BCKDHB: variants seen among roughly 807,000 people sequenced by gnomAD.
The protein encoded by BCKDHB is 2-oxoisovalerate dehydrogenase subunit beta, mitochondrial.
Under a neutral mutation model 48.5 loss-of-function variants are expected in BCKDHB, and 41 were observed. That is an observed-to-expected ratio of 0.85 (90% CI 0.66 to 1.10). The LOEUF (loss-of-function observed/expected upper bound fraction) is 1.10. BCKDHB is among the 50% of genes least tolerant of loss of function. BCKDHB has a pLI of 0.00. For missense variants in BCKDHB, 496 were observed against 494.2 expected, an observed-to-expected ratio of 1.00 and a Z score of -0.03; for synonymous variants, 201 against 174.8, an observed-to-expected ratio of 1.15 and a Z score of -1.18.
intron 3 of BCKDHB, among the ~76,000 whole-genome samples, chr6:80,144,899 A>T (rs1252447894): frequency 6.6e-6 from 1 of 152,162 alleles, no homozygotes; most frequent in Non-Finnish European, 1.5e-5. Flanking sequence ...ATTGTCTTGT[A>T]GCAGTATAGT....
At chr6:80,112,721 C>T (rs923620308) in intron 1 of BCKDHB, among the ~76,000 whole-genome samples, 2 of 152,224 alleles carry the variant, frequency 1.3e-5, no homozygotes, top group African/African-American at 2.4e-5. Flanking sequence ...CCGAGGGCGT[C>T]CCCTTTGGAG....
At position 80,345,315 on chromosome 6, in the gene BCKDHB, A is replaced by T. The variant is rs1378418305; in HGVS notation, c.*1511A>T. 6.6e-6 allele frequency: 1 copy of T among 152,210 alleles called. No individual in the cohort carries two copies. The highest frequency in any genetic ancestry group is 1.5e-5 in the Non-Finnish European group (1 of 68,044). The allele number at this position is 152,210 out of a possible 1,614,324, so 9.4% of individuals were successfully genotyped here. A position where few individuals can be genotyped will look rare whatever the true frequency, so the allele number is the denominator to read the frequency against. On this transcript the variant is annotated 3_prime_UTR_variant, in exon 10 of 10. Transcript: ENST00000320393. The stretch of plus-strand genomic sequence containing the variant: ...TGATAGTAATATCTTTTGAAGAACT[A>T]TGCTTTTTCAAAAGCAAAATCAACT...
the BCKDHB span, among the ~76,000 whole-genome samples, chr6:80,381,913 CCTAAAACCTAAA>C: frequency 0.96 from 145,410 of 152,162 alleles, 69,846 homozygotes; most frequent in Middle Eastern, 1. Context: ...CTGATTAAAA[CCTAAAACCTAAA>C]ACGGTAAACT....
intron 5 of BCKDHB, among the ~76,000 whole-genome samples, chr6:80,170,126 A>G (rs1037142340): frequency 6.6e-6 from 1 of 152,134 alleles, no homozygotes; most frequent in South Asian, 2.1e-4. Context: ...GGAACTTAAA[A>G]AGTAGGAACA....
intron 3 of BCKDHB, among the ~76,000 whole-genome samples, chr6:80,149,875 G>T (rs1771680643): frequency 2.0e-5 from 3 of 151,182 alleles, no homozygotes; most frequent in Admixed American, 2.0e-4. Flanking sequence ...TATACCTAAT[G>T]CTAAATGACG....
intron 9 of BCKDHB, among the ~76,000 whole-genome samples, chr6:80,329,756 G>C (rs143815075): frequency 6.6e-6 from 1 of 152,032 alleles, no homozygotes; most frequent in Non-Finnish European, 1.5e-5. Context: ...TGCAGATCTG[G>C]TTTCTCCTTC....
In BCKDHB at chr6:80,168,934, C is replaced by T. The variant is rs1260482947; in HGVS notation, c.537C>T (p.Ser179=). 1.2e-6 allele frequency: 2 copies of T among 1,614,170 alleles called. No individual in the cohort carries two copies. The highest frequency in any genetic ancestry group is 1.7e-5 in the Admixed American group (1 of 60,020). ...YRSGDLFNCG[S]LTIRSPWGCV... ...CTGGGGATCTTTTTAACTGTGGAAGCCTCACTATCCGGTCCCCTTGGGGCT... is the reference window on the plus strand; with the variant it reads ...CTGGGGATCTTTTTAACTGTGGAAGTCTCACTATCCGGTCCCCTTGGGGCT... Residue 179 remains serine, a synonymous_variant, in exon 5 of 10, where the codon AGC becomes AGT. Coordinates refer to ENST00000320393, the MANE Select transcript of BCKDHB (RefSeq NM_183050.4).
At chr6:80,283,795 T>G (rs970475727) in intron 9 of BCKDHB, among the ~76,000 whole-genome samples, 40 of 152,252 alleles carry the variant, frequency 2.6e-4, no homozygotes, top group Middle Eastern at 6.8e-3. Context: ...ATGTATATTT[T>G]AAAATGTACA....
intron 6 of BCKDHB, among the ~76,000 whole-genome samples, chr6:80,194,509 C>A (rs901896648): frequency 1.3e-5 from 2 of 152,178 alleles, no homozygotes; most frequent in South Asian, 4.1e-4. Context: ...TCCTTAGTTT[C>A]CTTTATTCTG....
At position 80,107,423 on chromosome 6, in the gene BCKDHB, A is replaced by ATGTG. The variant is rs60917181; in HGVS notation, c.196+554_196+557dup. Among the ~76,000 whole-genome samples, 227 of 73,222 alleles carry ATGTG rather than the reference A, an allele frequency of 3.1e-3. 2 individuals carry two copies. The highest frequency in any genetic ancestry group is 0.018 in the South Asian group (46 of 2,602). The allele number at this position is 73,222 out of a possible 152,430, so 48.0% of individuals were successfully genotyped here. ...CTTCTTACATACAGAAATTGTGTGT[A>ATGTG]TGTGTGTGTGTGTGTGTGTGTGTAT... On this transcript the variant is annotated intron_variant, in intron 1 of 9. Coordinates refer to ENST00000320393, the MANE Select transcript of BCKDHB (RefSeq NM_183050.4).
At chr6:80,130,123 C>T (rs1417565253) in intron 3 of BCKDHB, among the ~76,000 whole-genome samples, 1 of 152,014 alleles carries the variant, frequency 6.6e-6, no homozygotes, top group African/African-American at 2.4e-5. Flanking sequence ...TTTGAATTCC[C>T]ACTCTTCTGA....
chr6:80,204,480 C>T (rs1240258151), intron 8 of BCKDHB, among the ~76,000 whole-genome samples: 1 of 152,004 alleles, frequency 6.6e-6, no homozygotes, highest in Non-Finnish European at 1.5e-5. Flanking sequence ...GCCAGACGTT[C>T]CAAATTATAG....
At position 80,244,002 on chromosome 6, in the gene BCKDHB, G is replaced by A. The variant is rs559421978; in HGVS notation, c.952-29133G>A. Among the ~76,000 whole-genome samples the A allele has an allele frequency of 7.2e-5, 11 of 152,316 alleles. No individual in the cohort carries two copies. In the South Asian group the frequency reaches 2.3e-3, roughly 32 times the overall value. On this transcript the variant is annotated intron_variant, in intron 8 of 9. Transcript: ENST00000320393. The stretch of plus-strand genomic sequence containing the variant: ...TATTTCAGTAAACTGAAAATAAGAA[G>A]CCACAAGCTCTCAAAGTACCTAAGA...
chr6:80,172,375 A>G (rs551985141), intron 6 of BCKDHB, among the ~76,000 whole-genome samples: 1 of 152,198 alleles, frequency 6.6e-6, no homozygotes, highest in African/African-American at 2.4e-5. Flanking sequence ...TTACAACTGT[A>G]CAATATTAGA....
intron 9 of BCKDHB, among the ~76,000 whole-genome samples, chr6:80,283,441 C>T (rs1187006076): frequency 6.6e-6 from 1 of 152,016 alleles, no homozygotes; most frequent in Non-Finnish European, 1.5e-5. Flanking sequence ...AAGTAGTCCC[C>T]CTTGAATTCA....
chr6:80,322,793 T>A (rs1461654225), intron 9 of BCKDHB, among the ~76,000 whole-genome samples: 1 of 152,122 alleles, frequency 6.6e-6, no homozygotes, highest in Non-Finnish European at 1.5e-5. Flanking sequence ...GGATTTTACA[T>A]CTTATGTTAA....
At chr6:80,180,961 A>G (rs148051662) in intron 6 of BCKDHB, among the ~76,000 whole-genome samples, 1 of 152,322 alleles carries the variant, frequency 6.6e-6, no homozygotes, top group East Asian at 1.9e-4. Context: ...ACATAATTTA[A>G]AAAGTCAAAT....
the BCKDHB span, among the ~76,000 whole-genome samples, chr6:80,444,559 T>C: frequency 6.6e-6 from 1 of 152,200 alleles, no homozygotes; most frequent in African/African-American, 2.4e-5. Context: ...TCATCTCTTA[T>C]ATTAGTCAAA....
intron 3 of BCKDHB, among the ~76,000 whole-genome samples, chr6:80,138,114 C>T (rs1770986041): frequency 6.6e-6 from 1 of 151,966 alleles, no homozygotes; most frequent in Non-Finnish European, 1.5e-5. Context: ...CTGAGAGACT[C>T]TGATCTATTT....
Sources: gnomAD v4.1 joint callset for allele counts (sites outside exome capture counted in the v4.1 genomes callset) on GRCh38, gnomAD v4.1.1 for gene constraint, MANE v1.5 for transcripts, NCBI Gene and HGNC (gene_info 2026-07-23, HGNC 2026-07-21) for gene names.